Variants in TASP1 observed in about 807,000 individuals in gnomAD.
TASP1 encodes threonine aspartase 1.
Under a neutral mutation model 56.6 loss-of-function variants are expected in TASP1, and 16 were observed. That is an observed-to-expected ratio of 0.28 (90% CI 0.19 to 0.43). The LOEUF is 0.43. Ranked by LOEUF, TASP1 falls within the 20% of genes least tolerant of loss-of-function variation. The pLI, the probability that TASP1 is intolerant of heterozygous loss-of-function variation, is 1.00. For missense variants in TASP1, 393 were observed against 511.6 expected (o/e 0.77, Z 2.24); for synonymous variants, 179 against 184.2 (o/e 0.97, Z 0.23).
At chr20:13,376,798 C>T in the TASP1 span, among the ~76,000 whole-genome samples, 1 of 152,106 alleles carries the variant, frequency 6.6e-6, no homozygotes, top group Non-Finnish European at 1.5e-5. Flanking sequence ...CTTCACAACC[C>T]TTGTAAGTTG....
At chr20:13,279,857 C>CA in the TASP1 span, 2 of 1,613,882 alleles carry the variant, frequency 1.2e-6, no homozygotes, top group African/African-American at 2.7e-5. Flanking sequence ...CATACAGCCC[C>CA]AGGCCACCGG....
At chr20:13,378,904 T>C in the TASP1 span, among the ~76,000 whole-genome samples, 2 of 152,214 alleles carry the variant, frequency 1.3e-5, no homozygotes, top group Non-Finnish European at 2.9e-5. Flanking sequence ...ACCCCTGCTT[T>C]ATTTTTGCTT....
intron 4 of TASP1, chr20:13,617,205 T>C (rs1436900961): frequency 1.7e-5 from 6 of 347,698 alleles, no homozygotes; most frequent in Non-Finnish European, 2.9e-5. Flanking sequence ...GAAGCACCAC[T>C]GGGAATACTG....
At chr20:13,246,096 G>A in the TASP1 span, among the ~76,000 whole-genome samples, 37,451 of 151,652 alleles carry the variant, frequency 0.25, 4,653 homozygotes, top group African/African-American at 0.3. Context: ...GTGAAACCCC[G>A]TCTCTACTGA....
At chr20:13,505,784 C>T (rs2044107554) in intron 10 of TASP1, among the ~76,000 whole-genome samples, 1 of 151,892 alleles carries the variant, frequency 6.6e-6, no homozygotes, top group South Asian at 2.1e-4. Context: ...AAGTTAACAG[C>T]AACATACACC....
chr20:13,147,845 T>C, the TASP1 span, among the ~76,000 whole-genome samples: 2 of 152,188 alleles, frequency 1.3e-5, no homozygotes, highest in Admixed American at 1.3e-4. Context: ...TTTCTGAACA[T>C]ATATTTTCAA....
At chr20:13,279,911 C>T in the TASP1 span, 2 of 1,608,910 alleles carry the variant, frequency 1.2e-6, no homozygotes, top group South Asian at 1.1e-5. Context: ...GAGTTTACCA[C>T]CTAGTAATAT....
At chr20:13,467,071 C>A (rs2044286542) in intron 11 of TASP1, among the ~76,000 whole-genome samples, 1 of 151,862 alleles carries the variant, frequency 6.6e-6, no homozygotes, top group African/African-American at 2.4e-5. Flanking sequence ...ATCAGGGAAG[C>A]TGAAAAAGTA....
chr20:13,562,283 C>T (rs2046368858), intron 7 of TASP1, among the ~76,000 whole-genome samples: 1 of 151,942 alleles, frequency 6.6e-6, no homozygotes, highest in Non-Finnish European at 1.5e-5. Flanking sequence ...AATTTTATGG[C>T]TATAAACACA....
downstream of TASP1, among the ~76,000 whole-genome samples, chr20:13,387,600 T>G (rs1054248679): frequency 6.6e-6 from 1 of 152,234 alleles, no homozygotes; most frequent in African/African-American, 2.4e-5. Flanking sequence ...TCTTTGCTAT[T>G]GTGAATAGTG....
the TASP1 span, among the ~76,000 whole-genome samples, chr20:13,115,090 G>A: frequency 6.6e-6 from 1 of 152,132 alleles, no homozygotes; most frequent in Non-Finnish European, 1.5e-5. Flanking sequence ...TTCCATTCAG[G>A]AAGAAAGAAT....
intron 13 of TASP1, among the ~76,000 whole-genome samples, chr20:13,406,791 C>T (rs554444164): frequency 1.3e-5 from 2 of 151,738 alleles, no homozygotes; most frequent in Admixed American, 6.6e-5. Flanking sequence ...CTCAGCCTCC[C>T]GAGTAGCTGG....
chr20:13,549,649 T>C (rs1345350777), intron 8 of TASP1, among the ~76,000 whole-genome samples: 1 of 152,120 alleles, frequency 6.6e-6, no homozygotes, highest in East Asian at 1.9e-4. Context: ...AATTTCCAGA[T>C]ATGAAGGCTT....
chr20:13,528,455 G>A lies in TASP1; in HGVS notation c.852C>T (p.Tyr284=), dbSNP rs908011267. The part of the protein sequence containing the change: ...WAENTGAHNP[Y]STAVSTSGCG... ...TACCTGAGGTACTCACAGCTGTGGA[G>A]TAGGGGTTATGAGCTCCAGTATTTT... Residue 284 remains tyrosine (Y), a synonymous_variant, in exon 10 of 14, where the codon TAC becomes TAT. Coordinates refer to ENST00000337743, the MANE Select transcript of TASP1 (RefSeq NM_017714.3). The A allele has an allele frequency of 1.2e-6, 2 of 1,611,426 alleles. No homozygotes were observed. The highest frequency in any genetic ancestry group is 1.7e-6 in the Non-Finnish European group (2 of 1,178,464).
chr20:13,342,285 T>C, the TASP1 span, among the ~76,000 whole-genome samples: 1 of 152,194 alleles, frequency 6.6e-6, no homozygotes, highest in Non-Finnish European at 1.5e-5. Flanking sequence ...GGTGGGTTGT[T>C]TGTTTTTGTG....
At chr20:13,569,117 C>T (rs547787055) in intron 7 of TASP1, among the ~76,000 whole-genome samples, 2 of 151,926 alleles carry the variant, frequency 1.3e-5, no homozygotes, top group South Asian at 2.1e-4. Flanking sequence ...TTTGTTTTTC[C>T]TTCCCTTGCA....
chr20:13,373,000 T>G, the TASP1 span, among the ~76,000 whole-genome samples: 1 of 152,182 alleles, frequency 6.6e-6, no homozygotes, highest in Non-Finnish European at 1.5e-5. Flanking sequence ...ATCATTATAA[T>G]GAGTACTTAA....
chr20:13,272,859 C>T, the TASP1 span, among the ~76,000 whole-genome samples: 9 of 152,168 alleles, frequency 5.9e-5, no homozygotes, highest in Non-Finnish European at 1.5e-5. Context: ...GTTCTGGTTC[C>T]AGAATCAGGC....
the TASP1 span, chr20:13,299,602 G>A: frequency 1.8e-5 from 15 of 825,494 alleles, no homozygotes; most frequent in African/African-American, 1.0e-4. This position sits in a 1 kb window ranked among gnomAD's most constrained non-coding sequence, Gnocchi z 5.8. Flanking sequence ...CATACATTAC[G>A]CTAGGGGCGT....
Sources: allele counts gnomAD v4.1 joint callset (sites outside exome capture counted in the v4.1 genomes callset), GRCh38; gene constraint gnomAD v4.1.1; non-coding constraint Gnocchi (gnomAD v3.1); transcripts MANE v1.5; gene names NCBI Gene and HGNC (gene_info 2026-07-23, HGNC 2026-07-21).